The following CDK10 variants were observed in gnomAD, a reference collection of about 807,000 sequenced individuals.
The protein encoded by CDK10 is cyclin-dependent kinase 10.
In CDK10, 55 loss-of-function variants were observed where a neutral mutation model predicts 51.0. That is an observed-to-expected ratio of 1.08 (90% confidence interval 0.87 to 1.35). The LOEUF (loss-of-function observed/expected upper bound fraction) is 1.35, where lower values mean the gene tolerates loss of function less well. Among genes scored for constraint, CDK10 ranks in the 40% most tolerant of loss-of-function variants. The pLI, the probability that CDK10 is intolerant of heterozygous loss-of-function variation, is 0.00. For synonymous variants in CDK10, 255 were observed against 199.1 expected, an observed-to-expected ratio of 1.28 and a Z score of -2.36; for missense variants, 589 against 485.1, an observed-to-expected ratio of 1.21 and a Z score of -2.01.
At chr16:89,690,946 G>A (rs1004724842) in intron 3 of CDK10, among the ~76,000 whole-genome samples, 1 of 152,108 alleles carries the variant, frequency 6.6e-6, no homozygotes, top group Non-Finnish European at 1.5e-5. Flanking sequence ...AGATGTCCAC[G>A]GTGTTTAGAG....
In CDK10 at chr16:89,689,305, G is replaced by A. The variant is rs772466007; in HGVS notation, c.141G>A (p.Glu47=). Residue 47 remains glutamate, a synonymous_variant, in exon 2 of 13, where the codon GAG becomes GAA. Coordinates refer to ENST00000353379, the MANE Select transcript of CDK10 (RefSeq NM_052988.5). ...TTGAGAAGCTGAACCGCATTGGAGA[G>A]GGTACCTACGGCATTGTGTGTGAGT... ...KEFEKLNRIG[E]GTYGIVYRAR... 1 of 1,614,072 alleles carries A rather than the reference G, an allele frequency of 6.2e-7. No individual in the cohort carries two copies.
chr16:89,694,542 C>G, intron 9 of CDK10, 123 bp from the exon 10 acceptor site: 2 of 1,505,504 alleles, frequency 1.3e-6, no homozygotes, highest in Non-Finnish European at 1.8e-6. Context: ...CACAGTGTCC[C>G]TGACCCAGCG....
intron 5 of CDK10, chr16:89,692,108 T>G (rs2151580096): frequency 8.4e-6 from 5 of 592,056 alleles, no homozygotes; most frequent in South Asian, 6.1e-5. Context: ...GGGCACTGGT[T>G]TCCTGGGCTG....
At chr16:89,690,675 G>A (rs755170332) in intron 3 of CDK10, 51 bp downstream of exon 3, 2 of 1,480,944 alleles carry the variant, frequency 1.4e-6, no homozygotes, top group East Asian at 4.5e-5. Flanking sequence ...GAGGCAGAAG[G>A]ATGTGAGTTA....
chr16:89,688,076 GCTTTT>G (rs1489627757), intron 1 of CDK10, among the ~76,000 whole-genome samples: 1 of 125,668 alleles, frequency 8.0e-6, no homozygotes, highest in African/African-American at 3.2e-5. Flanking sequence ...TGCTACGTGT[GCTTTT>G]TTTTTTTTTT....
Position 89,686,700 on chromosome 16 carries a change from C to A in CDK10, c.-11C>A, listed in dbSNP as rs370678512. The A allele has an allele frequency of 2.9e-5, 45 of 1,563,654 alleles. No homozygotes were observed. The South Asian group carries it at 3.7e-4, about 13-fold the overall frequency. Reference sequence around the variant, plus strand: ...CGCCTGCGCGCAAGAGAGGCGGGGCCAGCGCTCGGCATGGCGGAGCCAGAT... The same window carrying A: ...CGCCTGCGCGCAAGAGAGGCGGGGCAAGCGCTCGGCATGGCGGAGCCAGAT... On this transcript the variant is annotated 5_prime_UTR_variant, in exon 1 of 13. Transcript: ENST00000353379.
Position 89,695,073 on chromosome 16 carries a change from G to A in CDK10, c.932+3G>A. On this transcript the variant is annotated splice_donor_region_variant and intron_variant, in intron 11 of 12. Transcript: ENST00000353379. ...TTCATGTACGACCCTAAGAAAAGGT[G>A]CTGATCTCTGCACGGGGGGCAGGGA... 1 of 1,611,744 alleles carries A rather than the reference G, an allele frequency of 6.2e-7. No individual in the cohort carries two copies. Among genetic ancestry groups the A allele is most frequent in the Admixed American group, 1.7e-5 (1 of 59,938 alleles).
At chr16:89,688,077 CTTT>C (rs35911494) in intron 1 of CDK10, among the ~76,000 whole-genome samples, 77 of 75,406 alleles carry the variant, frequency 1.0e-3, no homozygotes, top group Middle Eastern at 7.5e-3. Context: ...GCTACGTGTG[CTTT>C]TTTTTTTTTT....
intron 2 of CDK10, 57 bp downstream of exon 2, chr16:89,689,381 C>A: frequency 6.7e-7 from 1 of 1,500,856 alleles, no homozygotes; most frequent in Non-Finnish European, 9.3e-7. Context: ...CAGTGTGGGA[C>A]GAGACTGTCG....
chr16:89,690,021 C>G (rs905904764), intron 2 of CDK10: 2 of 156,970 alleles, frequency 1.3e-5, no homozygotes, highest in African/African-American at 4.8e-5. Flanking sequence ...GCTGTGATCA[C>G]GCCACTGCAC....
chr16:89,692,375 G>A lies in CDK10; in HGVS notation c.418-74G>A, dbSNP rs755787953. The A allele has an allele frequency of 4.3e-6, 5 of 1,163,122 alleles. No individual in the cohort carries two copies. In the African/African-American group the frequency reaches 6.4e-5, roughly 15 times the overall value. The allele number at this position is 1,163,122 out of a possible 1,614,324, so 72.1% of individuals were successfully genotyped here. ...TTGGGACTGCTAGTCCTGCTGGCCA[G>A]TGTGGGTGTGGCAGGGCCCAGCTGG... On this transcript the variant is annotated intron_variant, in intron 5 of 12. Coordinates refer to ENST00000353379, the MANE Select transcript of CDK10 (RefSeq NM_052988.5).
At chr16:89,690,144 C>T (rs773039017) in intron 2 of CDK10, 27 of 205,276 alleles carry the variant, frequency 1.3e-4, no homozygotes, top group Non-Finnish European at 2.1e-4. Context: ...AAGCTGCACA[C>T]ATTAGCAGGA....
chr16:89,692,685 C>G (rs939270124), intron 6 of CDK10, 169 bp downstream of exon 6: 5 of 484,054 alleles, frequency 1.0e-5, no homozygotes, highest in Non-Finnish European at 1.8e-5. Flanking sequence ...CTCTGTGTTG[C>G]CCAGGCTGGT....
At chr16:89,692,137 G>C in intron 5 of CDK10, 1 of 569,422 alleles carries the variant, frequency 1.8e-6, no homozygotes, top group Non-Finnish European at 3.1e-6. Context: ...AGGCAGCCCC[G>C]GGGCTGAGAG....
chr16:89,695,887 C>T lies in CDK10; in HGVS notation c.*195C>T, dbSNP rs545225049. 2.4e-5 allele frequency: 31 copies of T among 1,287,002 alleles called. No homozygotes were observed. The highest frequency in any genetic ancestry group is 8.0e-5 in the Admixed American group (4 of 50,080). The allele number at this position is 1,287,002 out of a possible 1,614,324, so 79.7% of individuals were successfully genotyped here. A position where few individuals can be genotyped will look rare whatever the true frequency, so the allele number is the denominator to read the frequency against. ...CCCCCAGAAAAAGGCCGGGTGACAC[C>T]GGGGGGCTCCCAGCCCGTGCACCCT... On this transcript the variant is annotated 3_prime_UTR_variant, in exon 13 of 13. Coordinates refer to ENST00000353379, the MANE Select transcript of CDK10 (RefSeq NM_052988.5).
At chr16:89,695,567 G>T (rs778140736) in intron 12 of CDK10, 28 bp from the exon 13 acceptor site, 2 of 1,584,838 alleles carry the variant, frequency 1.3e-6, no homozygotes, top group Non-Finnish European at 1.7e-6. Context: ...GCCCTGCCCC[G>T]CCCAGCACTG....
In CDK10 at chr16:89,689,301, G is replaced by C; in HGVS notation, c.137G>C (p.Gly46Ala). 6.2e-7 allele frequency: 1 copy of C among 1,614,100 alleles called. No homozygotes were observed. The highest frequency in any genetic ancestry group is 8.5e-7 in the Non-Finnish European group (1 of 1,179,978). The change falls in exon 2 of 13, where the codon GGA (glycine) becomes GCA (alanine). Residue 46 changes from glycine to alanine, a missense_variant. Coordinates refer to ENST00000353379, the MANE Select transcript of CDK10 (RefSeq NM_052988.5). The stretch of plus-strand genomic sequence containing the variant: ...GAGTTTGAGAAGCTGAACCGCATTG[G>C]AGAGGGTACCTACGGCATTGTGTGT... ...VKEFEKLNRI[G>A]EGTYGIVYRA...
At chr16:89,686,886 G>T in intron 1 of CDK10, 89 bp downstream of exon 1, 2 of 1,147,058 alleles carry the variant, frequency 1.7e-6, no homozygotes, top group Non-Finnish European at 1.2e-6. Flanking sequence ...GCGCTGCCGC[G>T]CCGAGGCTTC....
intron 1 of CDK10, among the ~76,000 whole-genome samples, chr16:89,688,952 T>C (rs755458841): frequency 1.4e-4 from 21 of 152,090 alleles, no homozygotes; most frequent in Non-Finnish European, 2.2e-4. Flanking sequence ...AATAGAAAAT[T>C]AGGCGGTTGT....
Sources: allele counts gnomAD v4.1 joint callset (sites outside exome capture counted in the v4.1 genomes callset), GRCh38; gene constraint gnomAD v4.1.1; transcripts MANE v1.5; gene names NCBI Gene and HGNC (gene_info 2026-07-23, HGNC 2026-07-21).